GABRA3: variants seen among roughly 807,000 people sequenced by gnomAD.
GABRA3 encodes the protein gamma-aminobutyric acid receptor subunit alpha-3.
In GABRA3, 10 loss-of-function variants were observed where a neutral mutation model predicts 30.1. The ratio of observed to expected loss-of-function variants is 0.33; its 90% CI spans 0.20 to 0.56. The LOEUF (loss-of-function observed/expected upper bound fraction) is 0.56, where lower values mean the gene tolerates loss of function less well. Ranked by LOEUF, GABRA3 falls within the 20% of genes least tolerant of loss-of-function variation. GABRA3 has a pLI of 0.89. For synonymous variants in GABRA3, 151 were observed against 146.8 expected, an observed-to-expected ratio of 1.03 and a Z score of -0.21; for missense variants, 233 against 392.0, an observed-to-expected ratio of 0.59 and a Z score of 3.42.
chrX:152,381,923 G>A (rs1314965281), intron 1 of GABRA3, among the ~76,000 whole-genome samples: 2 of 111,254 alleles, frequency 1.8e-5, no homozygotes, highest in African/African-American at 3.3e-5. Flanking sequence ...GTGCCTATGC[G>A]CCACATTTTC....
intron 3 of GABRA3, among the ~76,000 whole-genome samples, chrX:152,313,337 T>C (rs944050365): frequency 8.1e-5 from 9 of 111,413 alleles, no homozygotes; most frequent in Admixed American, 7.6e-4. Context: ...CAGTTACCCC[T>C]GTCTGGTGAG....
At chrX:152,398,838 G>A (rs1462412492) in intron 1 of GABRA3, among the ~76,000 whole-genome samples, 1 of 111,891 alleles carries the variant, frequency 8.9e-6, no homozygotes, top group African/African-American at 3.2e-5. Context: ...AACAAGCATG[G>A]AAGAGAATCA....
At chrX:152,350,874 T>C (rs1940469230) in intron 2 of GABRA3, among the ~76,000 whole-genome samples, 1 of 112,170 alleles carries the variant, frequency 8.9e-6, no homozygotes, top group African/African-American at 3.2e-5. Context: ...AGAATGGATG[T>C]TGTATTGTAA....
intron 5 of GABRA3, among the ~76,000 whole-genome samples, chrX:152,238,300 G>A (rs1449911827): frequency 1.1e-5 from 1 of 94,902 alleles, no homozygotes; most frequent in Non-Finnish European, 2.0e-5. Flanking sequence ...TACATTTATT[G>A]ATTTGTGTAT....
chrX:152,276,539 A>C (rs1939089026), intron 4 of GABRA3, among the ~76,000 whole-genome samples: 1 of 111,848 alleles, frequency 8.9e-6, no homozygotes. Flanking sequence ...GAAATTAAAA[A>C]ATGTTCACAA....
chrX:152,189,664 C>G, intron 9 of GABRA3, 66 bp downstream of exon 9: 67 of 816,512 alleles, frequency 8.2e-5, no homozygotes, highest in African/African-American at 4.1e-5. Flanking sequence ...CTATAGGCTG[C>G]CCACTCCTGG....
intron 3 of GABRA3, among the ~76,000 whole-genome samples, chrX:152,322,890 G>A (rs1306811502): frequency 1.4e-5 from 1 of 70,694 alleles, no homozygotes; most frequent in Non-Finnish European, 2.4e-5. Flanking sequence ...GTCTTGCTCT[G>A]TCACCAGGCT....
intron 1 of GABRA3, among the ~76,000 whole-genome samples, chrX:152,397,135 T>C (rs1428784936): frequency 1.8e-5 from 2 of 111,890 alleles, no homozygotes; most frequent in East Asian, 5.7e-4. Context: ...GCATACAATC[T>C]CTGCAGAAGC....
chrX:152,370,186 A>G (rs762821705), intron 1 of GABRA3, among the ~76,000 whole-genome samples: 58 of 112,567 alleles, frequency 5.2e-4, no homozygotes, highest in African/African-American at 1.8e-3. Flanking sequence ...AGCACCTGCT[A>G]TGTACAAGGT....
intron 9 of GABRA3, among the ~76,000 whole-genome samples, chrX:152,177,224 A>C (rs1167845245): frequency 8.9e-6 from 1 of 111,801 alleles, no homozygotes; most frequent in Non-Finnish European, 1.9e-5. Context: ...TATCAGTTAA[A>C]ACAGGAGGTG....
intron 2 of GABRA3, among the ~76,000 whole-genome samples, chrX:152,358,917 T>A: frequency 8.9e-6 from 1 of 112,007 alleles, no homozygotes; most frequent in Non-Finnish European, 1.9e-5. Flanking sequence ...AAAGTCTACT[T>A]GATCATGGTG....
intron 2 of GABRA3, among the ~76,000 whole-genome samples, chrX:152,347,891 T>C (rs1197985601): frequency 2.7e-5 from 3 of 111,366 alleles, no homozygotes; most frequent in Non-Finnish European, 5.7e-5. Context: ...TGTAGTCCCA[T>C]TTACTGGGGA....
At chrX:152,275,216 A>ATATATATAATTTATATATATAATAT (rs1569378249) in intron 4 of GABRA3, among the ~76,000 whole-genome samples, 530 of 48,360 alleles carry the variant, frequency 0.011, 13 homozygotes, top group African/African-American at 0.026. Context: ...ATATAATATT[A>ATATATATAATTTATATATATAATAT]TATATATATA....
At chrX:152,190,868 G>A (rs1937315668) in intron 8 of GABRA3, among the ~76,000 whole-genome samples, 1 of 103,842 alleles carries the variant, frequency 9.6e-6, no homozygotes, top group Non-Finnish European at 1.9e-5. Context: ...AGATATGCAT[G>A]TGAATATATA....
intron 3 of GABRA3, among the ~76,000 whole-genome samples, chrX:152,342,239 AT>A (rs1267631384): frequency 8.9e-6 from 1 of 112,325 alleles, no homozygotes; most frequent in Non-Finnish European, 1.9e-5. Context: ...TTTAATTTGC[AT>A]TTCCCTGATG....
At chrX:152,391,444 G>A (rs1227842237) in intron 1 of GABRA3, among the ~76,000 whole-genome samples, 2 of 111,198 alleles carry the variant, frequency 1.8e-5, no homozygotes, top group East Asian at 2.8e-4. Context: ...ATATATAATC[G>A]AAAAGCCACA....
chrX:152,399,229 G>A (rs1929734145), intron 1 of GABRA3, among the ~76,000 whole-genome samples: 1 of 111,598 alleles, frequency 9.0e-6, no homozygotes, highest in Non-Finnish European at 1.9e-5. Context: ...ATGTATTCAT[G>A]TTCTCAGAAA....
intron 3 of GABRA3, among the ~76,000 whole-genome samples, chrX:152,303,093 C>T (rs1225485728): frequency 1.8e-5 from 2 of 111,383 alleles, no homozygotes; most frequent in African/African-American, 6.5e-5. Context: ...GGGTATATAC[C>T]AGTAATGGGA....
chrX:152,174,287 G>A (rs1337702843), intron 9 of GABRA3, among the ~76,000 whole-genome samples: 40 of 111,146 alleles, frequency 3.6e-4, no homozygotes, highest in Non-Finnish European at 2.8e-4. Context: ...ATGATTTATA[G>A]TCCTTTGCGT....
Sources: gnomAD v4.1 joint callset for allele counts (sites outside exome capture counted in the v4.1 genomes callset) on GRCh38, gnomAD v4.1.1 for gene constraint, MANE v1.5 for transcripts, NCBI Gene and HGNC (gene_info 2026-07-23, HGNC 2026-07-21) for gene names.